BIRC5: variants seen among roughly 807,000 people sequenced by gnomAD.
BIRC5 encodes baculoviral IAP repeat containing 5, also known as baculoviral IAP repeat-containing protein 5.
In BIRC5, 8 loss-of-function variants were observed where a neutral mutation model predicts 15.8. The ratio of observed to expected loss-of-function variants is 0.51; its 90% CI spans 0.30 to 0.91. The LOEUF is 0.91. Ranked by LOEUF, BIRC5 falls within the 40% of genes least tolerant of loss-of-function variation. The probability of loss-of-function intolerance (pLI) is 0.07; values close to 1 mark genes in which losing one functional copy is unlikely to be tolerated. For synonymous variants in BIRC5, 56 were observed against 64.5 expected (o/e 0.87, Z 0.63); for missense variants, 163 against 178.6 (o/e 0.91, Z 0.50).
intron 2 of BIRC5, among the ~76,000 whole-genome samples, chr17:78,215,756 G>A (rs1034184411): frequency 3.9e-5 from 6 of 152,156 alleles, no homozygotes; most frequent in Non-Finnish European, 7.4e-5. Flanking sequence ...TCTTGAAAAT[G>A]AATAAGTGTT....
In BIRC5 at chr17:78,224,048, G is replaced by A. The variant is rs557239445; in HGVS notation, c.*494G>A. Reference sequence around the variant, plus strand: ...TGCCTCCTCAGAGGACAGTTTTTTTGTTGTTGTGTTTTTTTGTTTTTTTTT... The same window carrying A: ...TGCCTCCTCAGAGGACAGTTTTTTTATTGTTGTGTTTTTTTGTTTTTTTTT... On this transcript the variant is annotated 3_prime_UTR_variant, in exon 4 of 4. Transcript: ENST00000350051. 3.3e-5 allele frequency: 2 copies of A among 60,110 alleles called. No homozygotes were observed. The highest frequency in any genetic ancestry group is 6.6e-5 in the Non-Finnish European group (2 of 30,106). The allele number at this position is 60,110 out of a possible 1,614,324, so 3.7% of individuals were successfully genotyped here. A position where few individuals can be genotyped will look rare whatever the true frequency, so the allele number is the denominator to read the frequency against.
intron 1 of BIRC5, 81 bp downstream of exon 1, chr17:78,214,508 G>C: frequency 1.5e-6 from 2 of 1,362,866 alleles, no homozygotes; most frequent in Non-Finnish European, 2.0e-6. Context: ...GGGCCTCGGG[G>C]GTACAAGCCG....
At chr17:78,218,430 A>AC (rs1199889673) in intron 3 of BIRC5, among the ~76,000 whole-genome samples, 2 of 149,632 alleles carry the variant, frequency 1.3e-5, no homozygotes, top group Non-Finnish European at 3.0e-5. Context: ...AGTAGCTGGG[A>AC]CTACAGGCAC....
At chr17:78,222,001 G>A (rs1190144217) in intron 3 of BIRC5, among the ~76,000 whole-genome samples, 1 of 151,684 alleles carries the variant, frequency 6.6e-6, no homozygotes, top group African/African-American at 2.4e-5. Context: ...GTTTTGAGGC[G>A]AGCCTGGGCA....
chr17:78,217,176 C>T (rs1195991889), intron 3 of BIRC5, among the ~76,000 whole-genome samples: 1 of 142,426 alleles, frequency 7.0e-6, no homozygotes, highest in Non-Finnish European at 1.5e-5. Flanking sequence ...CCACGCCTGG[C>T]TTTTTTTTTT....
chr17:78,216,589 G>T, intron 2 of BIRC5, 75 bp from the exon 3 acceptor site: 2 of 1,250,610 alleles, frequency 1.6e-6, no homozygotes, highest in South Asian at 2.4e-5. Context: ...AGGGCGTGGG[G>T]AGGTGGCCCG....
At chr17:78,214,573 T>C (rs921253761) in intron 1 of BIRC5, 107 bp from the exon 2 acceptor site, 13 of 1,278,946 alleles carry the variant, frequency 1.0e-5, no homozygotes, top group Middle Eastern at 2.7e-4. Context: ...GCCCCTTGGG[T>C]CCAGGCCGGC....
chr17:78,215,036 A>T, intron 2 of BIRC5: 1 of 443,132 alleles, frequency 2.3e-6, no homozygotes, highest in South Asian at 2.2e-5. Context: ...GTTCAACAGA[A>T]TACATCAGCA....
rs1213151279 is a variant in BIRC5, at chr17:78,224,310, T to G, written c.*756T>G. 1 of 152,228 alleles carries G rather than the reference T, an allele frequency of 6.6e-6. No homozygotes were observed. The highest frequency in any genetic ancestry group is 2.4e-5 in the African/African-American group (1 of 41,452). The allele number at this position is 152,228 out of a possible 1,614,324, so 9.4% of individuals were successfully genotyped here. ...GGAAGCGTCTGGCAGATACTCCTTT[T>G]GCCACTGCTGTGTGATTAGACAGGC... On this transcript the variant is annotated 3_prime_UTR_variant, in exon 4 of 4. Transcript: ENST00000350051.
chr17:78,222,012 A>G (rs944267351), intron 3 of BIRC5, among the ~76,000 whole-genome samples: 9 of 151,806 alleles, frequency 5.9e-5, no homozygotes, highest in African/African-American at 2.2e-4. Flanking sequence ...AGCCTGGGCA[A>G]TGTGGCCAGA....
chr17:78,221,042 T>G (rs1044053532), intron 3 of BIRC5, among the ~76,000 whole-genome samples: 1 of 152,252 alleles, frequency 6.6e-6, no homozygotes, highest in African/African-American at 2.4e-5. Flanking sequence ...CATTGGGCGC[T>G]GATTCTTGTT....
rs759682056 is a variant in BIRC5, at chr17:78,222,863, G to T, written c.340-602G>T. On this transcript the variant is annotated intron_variant, in intron 3 of 3. Coordinates refer to ENST00000350051, the MANE Select transcript of BIRC5 (RefSeq NM_001168.3). ...TGTTAGCAGAATGAAAAAATTGGAA[G>T]CCAGATTCAGGGAGGGACTGGAAGC... The T allele has an allele frequency of 4.6e-6, 7 of 1,535,952 alleles. No individual in the cohort carries two copies. The East Asian group carries it at 1.7e-4, about 38-fold the overall frequency.
rs528565470 is a variant in BIRC5, at chr17:78,222,782, A to G, written c.340-683A>G. The G allele has an allele frequency of 6.3e-4, 970 of 1,533,714 alleles. 1 individual carries two copies. Among genetic ancestry groups the G allele is most frequent in the Non-Finnish European group, 7.1e-4 (819 of 1,146,134 alleles). On this transcript the variant is annotated intron_variant, in intron 3 of 3. Coordinates refer to ENST00000350051, the MANE Select transcript of BIRC5 (RefSeq NM_001168.3). ...AGGGTTTATAAAAAATATGGTAGGG[A>G]AGGGGGTCCCTGGATTTGCTAATGT...
chr17:78,214,451 G>T (rs998676813), intron 1 of BIRC5, 24 bp downstream of exon 1: 5 of 1,519,228 alleles, frequency 3.3e-6, no homozygotes, highest in Admixed American at 2.1e-5. Context: ...GCCTCCTGGG[G>T]TCCCCCACGC....
chr17:78,216,558 C>A, intron 2 of BIRC5, 106 bp from the exon 3 acceptor site: 1 of 885,320 alleles, frequency 1.1e-6, no homozygotes, highest in Non-Finnish European at 1.8e-6. Flanking sequence ...ACTCCTGAGG[C>A]AGAGCAGGGT....
chr17:78,216,985 T>G (rs2076483095), intron 3 of BIRC5, among the ~76,000 whole-genome samples: 1 of 152,098 alleles, frequency 6.6e-6, no homozygotes, highest in South Asian at 2.1e-4. Flanking sequence ...GTTCAAGTGA[T>G]TCTCCTGCCT....
At chr17:78,222,496 A>G (rs1355638016) in intron 3 of BIRC5, among the ~76,000 whole-genome samples, 1 of 151,862 alleles carries the variant, frequency 6.6e-6, no homozygotes, top group African/African-American at 2.4e-5. Context: ...GAGAGACCCC[A>G]TCTCTACTAA....
At chr17:78,217,643 C>G (rs1599029494) in intron 3 of BIRC5, among the ~76,000 whole-genome samples, 1 of 151,832 alleles carries the variant, frequency 6.6e-6, no homozygotes, top group East Asian at 1.9e-4. Context: ...ACTACAGGCG[C>G]CCGCCACCAC....
chr17:78,225,292 A>G lies in BIRC5; in HGVS notation c.*1738A>G, dbSNP rs1439946658. On this transcript the variant is annotated 3_prime_UTR_variant, in exon 4 of 4. Transcript: ENST00000350051. Reference sequence around the variant, plus strand: ...TTAAAACCAGACCCTCATGGCTACCAGCACCTGAAAGCTTCCTCGACATCT... The same window carrying G: ...TTAAAACCAGACCCTCATGGCTACCGGCACCTGAAAGCTTCCTCGACATCT... The G allele has an allele frequency of 6.6e-6, 1 of 152,212 alleles. No homozygotes were observed. The highest frequency in any genetic ancestry group is 1.5e-5 in the Non-Finnish European group (1 of 68,048). The allele number at this position is 152,212 out of a possible 1,614,324, so 9.4% of individuals were successfully genotyped here.
Sources: gnomAD v4.1 joint callset for allele counts (sites outside exome capture counted in the v4.1 genomes callset) on GRCh38, gnomAD v4.1.1 for gene constraint, MANE v1.5 for transcripts, NCBI Gene and HGNC (gene_info 2026-07-23, HGNC 2026-07-21) for gene names.